The following SLC15A1 variants were observed in gnomAD, a reference collection of about 807,000 sequenced individuals.
SLC15A1 encodes the protein Caco-2 oligopeptide transporter.
Under a neutral mutation model 92.9 loss-of-function variants are expected in SLC15A1, and 83 were observed. That is an observed-to-expected ratio of 0.89 (90% CI 0.75 to 1.07). The LOEUF (loss-of-function observed/expected upper bound fraction) is 1.07, where lower values mean the gene tolerates loss of function less well. Ranked by LOEUF, SLC15A1 falls within the 50% of genes least tolerant of loss-of-function variation. SLC15A1 has a pLI of 0.00. For synonymous variants in SLC15A1, 322 were observed against 318.2 expected (o/e 1.01, Z -0.13); for missense variants, 857 against 880.1 (o/e 0.97, Z 0.33).
chr13:98,726,885 T>TTAAA, intron 1 of SLC15A1, 26 bp from the exon 2 acceptor site: 3 of 1,612,760 alleles, frequency 1.9e-6, no homozygotes, highest in Non-Finnish European at 2.5e-6. Flanking sequence ...AATCCCAATA[T>TTAAA]TAAAGTCAAG....
At chr13:98,708,262 A>G (rs749123518) in intron 15 of SLC15A1, among the ~76,000 whole-genome samples, 3 of 152,170 alleles carry the variant, frequency 2.0e-5, no homozygotes, top group Admixed American at 1.3e-4. Flanking sequence ...TGCGAGTCCA[A>G]TAGATGTGTG....
chr13:98,699,795 C>T (rs1311725828), intron 18 of SLC15A1, among the ~76,000 whole-genome samples: 4 of 152,188 alleles, frequency 2.6e-5, no homozygotes, highest in Admixed American at 2.6e-4. Flanking sequence ...AAGGTTAAAA[C>T]AATTATTACA....
chr13:98,720,231 GATTA>G (rs747105195), intron 7 of SLC15A1, among the ~76,000 whole-genome samples: 9 of 152,130 alleles, frequency 5.9e-5, no homozygotes, highest in South Asian at 2.1e-4. Flanking sequence ...TATTTGAACT[GATTA>G]ATTATCAACT....
intron 18 of SLC15A1, among the ~76,000 whole-genome samples, chr13:98,700,316 A>G (rs143812894): frequency 2.6e-5 from 4 of 151,850 alleles, no homozygotes; most frequent in Non-Finnish European, 4.4e-5. Flanking sequence ...GTGAGACCCC[A>G]TCTCTACCAA....
intron 1 of SLC15A1, among the ~76,000 whole-genome samples, chr13:98,747,580 T>C (rs1025643677): frequency 3.3e-5 from 5 of 152,044 alleles, no homozygotes; most frequent in Admixed American, 3.3e-4. Context: ...TAGAAAAAAA[T>C]TATTAATCAA....
chr13:98,687,298 G>A (rs2087936281), intron 21 of SLC15A1, among the ~76,000 whole-genome samples: 1 of 152,050 alleles, frequency 6.6e-6, no homozygotes, highest in Non-Finnish European at 1.5e-5. Flanking sequence ...TCATCACTCT[G>A]GTAGCAGTCA....
chr13:98,736,186 C>T (rs1179366865), intron 1 of SLC15A1, among the ~76,000 whole-genome samples: 3 of 152,238 alleles, frequency 2.0e-5, no homozygotes, highest in East Asian at 3.9e-4. Context: ...GTAATAACAC[C>T]ACACATCTGC....
intron 9 of SLC15A1, among the ~76,000 whole-genome samples, chr13:98,712,850 G>A (rs2088176341): frequency 2.6e-5 from 4 of 152,110 alleles, no homozygotes; most frequent in Admixed American, 2.0e-4. Flanking sequence ...AATACAACAC[G>A]TGTTTGCAAT....
At chr13:98,736,111 C>G (rs979125990) in intron 1 of SLC15A1, among the ~76,000 whole-genome samples, 4 of 152,244 alleles carry the variant, frequency 2.6e-5, no homozygotes, top group African/African-American at 9.6e-5. Context: ...GCTACAGTAA[C>G]CAAAACAGCA....
At chr13:98,727,483 T>G (rs9517420) in intron 1 of SLC15A1, among the ~76,000 whole-genome samples, 101 of 152,310 alleles carry the variant, frequency 6.6e-4, no homozygotes, top group South Asian at 1.9e-3. Context: ...ATCCCCACTT[T>G]CAACGTCCTG....
intron 1 of SLC15A1, among the ~76,000 whole-genome samples, chr13:98,752,287 C>T (rs2088552869): frequency 6.6e-6 from 1 of 152,250 alleles, no homozygotes; most frequent in African/African-American, 2.4e-5. Flanking sequence ...CCGTCCCGCT[C>T]CAAGCGCACT....
At chr13:98,689,796 G>A (rs1314107702) in intron 18 of SLC15A1, among the ~76,000 whole-genome samples, 1 of 152,150 alleles carries the variant, frequency 6.6e-6, no homozygotes, top group East Asian at 1.9e-4. Context: ...AGGCCTGTGT[G>A]GTCCTGGAGT....
rs529234922 is a variant in SLC15A1, at chr13:98,688,293, G to A, written c.1638C>T (p.Phe546=). The change falls in exon 20 of 23, where the codon TTC becomes TTT. Residue 546 remains phenylalanine (F), a synonymous_variant. Coordinates refer to ENST00000376503, the MANE Select transcript of SLC15A1 (RefSeq NM_005073.4). Reference sequence around the variant, plus strand: ...TATAAGCACTACCAAATTCAAGGTAGAAAGTATTGAAATTAGGTTGACATT... The same window carrying A: ...TATAAGCACTACCAAATTCAAGGTAAAAAGTATTGAAATTAGGTTGACATT... ...PPQCQPNFNT[F]YLEFGSAYTY... is the part of the protein sequence containing the mutation. 1.9e-6 allele frequency: 3 copies of A among 1,614,038 alleles called. No individual in the cohort carries two copies. In the Admixed American group the frequency reaches 5.0e-5, roughly 27 times the overall value.
At chr13:98,741,457 A>G (rs560356426) in intron 1 of SLC15A1, among the ~76,000 whole-genome samples, 2 of 152,254 alleles carry the variant, frequency 1.3e-5, no homozygotes, top group Admixed American at 1.3e-4. Flanking sequence ...TACTAAACAT[A>G]CAAAAATTAG....
At chr13:98,711,665 G>T (rs1346318176) in intron 11 of SLC15A1, among the ~76,000 whole-genome samples, 189 bp downstream of exon 11, 2 of 151,150 alleles carry the variant, frequency 1.3e-5, no homozygotes, top group Non-Finnish European at 3.0e-5. Flanking sequence ...AATTGCTTTT[G>T]GTTTTGTTTT....
At chr13:98,696,923 AAAGGGC>A (rs1242138182) in intron 18 of SLC15A1, among the ~76,000 whole-genome samples, 1 of 152,196 alleles carries the variant, frequency 6.6e-6, no homozygotes, top group Non-Finnish European at 1.5e-5. Flanking sequence ...ACACACAGAG[AAAGGGC>A]CATGTGAGGA....
chr13:98,709,209 T>C (rs2088141133), intron 14 of SLC15A1, among the ~76,000 whole-genome samples: 1 of 152,140 alleles, frequency 6.6e-6, no homozygotes, highest in Admixed American at 6.5e-5. Context: ...CCTCAAATGG[T>C]CTGCCTGCCT....
chr13:98,743,941 C>T (rs1275410535), intron 1 of SLC15A1, among the ~76,000 whole-genome samples: 1 of 152,156 alleles, frequency 6.6e-6, no homozygotes, highest in Non-Finnish European at 1.5e-5. Context: ...CAGCTCCCCA[C>T]ACCCAGCAGG....
At chr13:98,713,017 A>C (rs2088178083) in intron 9 of SLC15A1, among the ~76,000 whole-genome samples, 2 of 152,206 alleles carry the variant, frequency 1.3e-5, no homozygotes, top group African/African-American at 2.4e-5. Flanking sequence ...TGTCTTCAAA[A>C]TCCAGAGAAT....
Sources: allele counts gnomAD v4.1 joint callset (sites outside exome capture counted in the v4.1 genomes callset), GRCh38; gene constraint gnomAD v4.1.1; transcripts MANE v1.5; gene names NCBI Gene and HGNC (gene_info 2026-07-23, HGNC 2026-07-21).